The following RPS6KA2 variants were observed in gnomAD, a reference collection of about 807,000 sequenced individuals.
RPS6KA2 encodes the protein ribosomal protein S6 kinase alpha-2.
Under a neutral mutation model 91.8 loss-of-function variants are expected in RPS6KA2, and 42 were observed. That is an observed-to-expected ratio of 0.46 (90% CI 0.36 to 0.59). The LOEUF is 0.59. Ranked by LOEUF, RPS6KA2 falls within the 20% of genes least tolerant of loss-of-function variation. The probability of loss-of-function intolerance (pLI) is 0.00; values close to 1 mark genes in which losing one functional copy is unlikely to be tolerated. For synonymous variants in RPS6KA2, 414 were observed against 393.6 expected, an observed-to-expected ratio of 1.05 and a Z score of -0.61; for missense variants, 798 against 978.5, an observed-to-expected ratio of 0.82 and a Z score of 2.46.
intron 10 of RPS6KA2, among the ~76,000 whole-genome samples, chr6:166,473,375 A>T (rs889617099): frequency 1.3e-5 from 2 of 152,014 alleles, no homozygotes; most frequent in Non-Finnish European, 2.9e-5. Flanking sequence ...TATTTTTTGT[A>T]GAGATGGGGT....
chr6:166,688,725 G>A (rs898527339), intron 2 of RPS6KA2, among the ~76,000 whole-genome samples: 7 of 152,216 alleles, frequency 4.6e-5, no homozygotes, highest in South Asian at 2.1e-4. Context: ...GGGCTAGGAC[G>A]TGCCTAAGGT....
chr6:166,780,216 A>G (rs942438271), intron 2 of RPS6KA2, among the ~76,000 whole-genome samples: 65 of 152,226 alleles, frequency 4.3e-4, no homozygotes, highest in African/African-American at 1.5e-3. Flanking sequence ...AGTGCCTGGG[A>G]ATGTGTCCTG....
intron 3 of RPS6KA2, among the ~76,000 whole-genome samples, chr6:166,517,450 GTTTTGTT>G (rs1782686087): frequency 2.4e-5 from 2 of 83,798 alleles, no homozygotes; most frequent in African/African-American, 1.3e-4. Context: ...GCGTTCTTTT[GTTTTGTT>G]TTTTTTTTTT....
intron 1 of RPS6KA2, among the ~76,000 whole-genome samples, chr6:166,615,847 C>G (rs935608070): frequency 1.3e-5 from 2 of 152,176 alleles, no homozygotes; most frequent in Non-Finnish European, 2.9e-5. Context: ...CTTGCCCACT[C>G]AGCGCAGGAC....
At chr6:166,697,537 C>T (rs558108893) in intron 2 of RPS6KA2, among the ~76,000 whole-genome samples, 1 of 152,290 alleles carries the variant, frequency 6.6e-6, no homozygotes, top group African/African-American at 2.4e-5. Context: ...GCTGAATATC[C>T]AATTTGAAAC....
At chr6:166,472,590 T>C (rs1417472173) in intron 10 of RPS6KA2, among the ~76,000 whole-genome samples, 1 of 152,214 alleles carries the variant, frequency 6.6e-6, no homozygotes, top group African/African-American at 2.4e-5. Context: ...ACTTTTGCAC[T>C]CAGCACCTTG....
At chr6:166,414,058 G>T in intron 19 of RPS6KA2, 127 bp from the exon 20 acceptor site, 1 of 725,224 alleles carries the variant, frequency 1.4e-6, no homozygotes, top group South Asian at 2.1e-5. Context: ...GTGGGTCTTT[G>T]CATTTTGGGG....
At chr6:166,524,653 G>C (rs1321501974) in intron 3 of RPS6KA2, among the ~76,000 whole-genome samples, 6 of 152,220 alleles carry the variant, frequency 3.9e-5, no homozygotes. Context: ...GTGGAGAAAA[G>C]GGCTGAAGGT....
intron 2 of RPS6KA2, among the ~76,000 whole-genome samples, chr6:166,792,786 C>T (rs1203875530): frequency 2.0e-5 from 3 of 152,136 alleles, no homozygotes; most frequent in Non-Finnish European, 4.4e-5. Context: ...CAGAAAAGGC[C>T]TTTGACAAAA....
upstream of RPS6KA2, among the ~76,000 whole-genome samples, chr6:166,628,171 G>C (rs370997659): frequency 6.6e-6 from 1 of 152,266 alleles, no homozygotes; most frequent in South Asian, 2.1e-4. Context: ...CGCTGCTGGC[G>C]GCAGCGCCGC....
rs550357273 is a variant in RPS6KA2, at chr6:166,789,925, G to A, written c.123+68275C>T. Among the ~76,000 whole-genome samples the A allele has an allele frequency of 4.6e-5, 7 of 152,320 alleles. No individual in the cohort carries two copies. The South Asian group carries it at 1.4e-3, about 32-fold the overall frequency. On this transcript the variant is annotated intron_variant, in intron 2 of 21. Coordinates refer to the RPS6KA2 transcript ENST00000503859. ...ACAAAGATGGGGAAAAAACAGAGCA[G>A]AAAACTGGAAACTCTAAAAAGCAGA...
In RPS6KA2 at chr6:166,626,163, T is replaced by C. The variant is rs191286532; in HGVS notation, c.99+758A>G. On this transcript the variant is annotated intron_variant, in intron 1 of 20. Transcript: ENST00000265678. The surrounding 1 kb of genome is among the most constrained non-coding windows in gnomAD (Gnocchi z 4.1). ...CATCTATAGATTCAACAATGTGATT[T>C]GGACACTGGGAATAAGAGAATAAGA... Among the ~76,000 whole-genome samples the C allele has an allele frequency of 8.5e-5, 13 of 152,362 alleles. No homozygotes were observed. The highest frequency in any genetic ancestry group is 3.1e-4 in the African/African-American group (13 of 41,586).
intron 2 of RPS6KA2, among the ~76,000 whole-genome samples, chr6:166,536,458 T>TA (rs1783481110): frequency 6.6e-6 from 1 of 152,158 alleles, no homozygotes; most frequent in Admixed American, 6.5e-5. Flanking sequence ...TTGCTTAAAT[T>TA]AAAAAAACTC....
rs1268928308 is a variant in RPS6KA2, at chr6:166,852,363, A to G, written c.123+5837T>C. On this transcript the variant is annotated intron_variant, in intron 2 of 21. Coordinates refer to the RPS6KA2 transcript ENST00000503859. The surrounding 1 kb of genome is among the most constrained non-coding windows in gnomAD (Gnocchi z 4.1). ...TAATTGCATTGCTCTTAATTGCTTC[A>G]TTAGTGCCTGGGCTTCATTATTCAC... Among the ~76,000 whole-genome samples the G allele has an allele frequency of 6.6e-6, 1 of 152,162 alleles. No individual in the cohort carries two copies. The highest frequency in any genetic ancestry group is 1.5e-5 in the Non-Finnish European group (1 of 68,036).
chr6:166,508,082 CA>C lies in RPS6KA2; in HGVS notation c.459+120del, dbSNP rs1782320609. 55 of 548,006 alleles carry C rather than the reference CA, an allele frequency of 1.0e-4. No homozygotes were observed. The highest frequency in any genetic ancestry group is 7.8e-4 in the South Asian group (36 of 46,122). 33.9% of individuals were successfully genotyped at this position (548,006 alleles called of 1,614,324 possible). A position where few individuals can be genotyped will look rare whatever the true frequency, so the allele number is the denominator to read the frequency against. ...ACACACTCACACATGCACACACCCC[CA>C]CACACACACACGCACTCTCGCACGT... On this transcript the variant is annotated intron_variant, in intron 5 of 20. Coordinates refer to ENST00000265678, the MANE Select transcript of RPS6KA2 (RefSeq NM_021135.6). This position sits in a 1 kb window ranked among gnomAD's most constrained non-coding sequence, Gnocchi z 4.3.
chr6:166,774,175 T>C (rs541387798), intron 2 of RPS6KA2, among the ~76,000 whole-genome samples: 1 of 152,310 alleles, frequency 6.6e-6, no homozygotes, highest in South Asian at 2.1e-4. Flanking sequence ...TCTTTTATGA[T>C]TGGACTGCAA....
intron 2 of RPS6KA2, among the ~76,000 whole-genome samples, chr6:166,815,039 G>C (rs889521082): frequency 6.6e-6 from 1 of 152,200 alleles, no homozygotes; most frequent in African/African-American, 2.4e-5. Context: ...GGGGACCACT[G>C]CTTTCAAGGT....
At chr6:166,643,679 T>C (rs903916105) in intron 2 of RPS6KA2, among the ~76,000 whole-genome samples, 1 of 152,356 alleles carries the variant, frequency 6.6e-6, no homozygotes, top group African/African-American at 2.4e-5. Flanking sequence ...ATCTGGACGA[T>C]GTGGTACCTG....
chr6:166,596,224 G>A (rs951825810), intron 1 of RPS6KA2, among the ~76,000 whole-genome samples: 3 of 152,216 alleles, frequency 2.0e-5, no homozygotes, highest in African/African-American at 4.8e-5. Flanking sequence ...GTCGGTTTGA[G>A]TTTATGGTCA....
Sources: gnomAD v4.1 joint callset for allele counts (sites outside exome capture counted in the v4.1 genomes callset) on GRCh38, gnomAD v4.1.1 for gene constraint, Gnocchi (gnomAD v3.1) non-coding constraint, MANE v1.5 for transcripts, NCBI Gene and HGNC (gene_info 2026-07-23, HGNC 2026-07-21) for gene names.